MPDZ: variants seen among roughly 807,000 people sequenced by gnomAD.
MPDZ encodes multiple PDZ domain crumbs cell polarity complex component.
Under a neutral mutation model 239.1 loss-of-function variants are expected in MPDZ, and 234 were observed. The observed-to-expected ratio is 0.98, with a 90% CI of 0.88 to 1.09. The LOEUF (loss-of-function observed/expected upper bound fraction) is 1.09. MPDZ is among the 50% of genes least tolerant of loss of function. The pLI, the probability that MPDZ is intolerant of heterozygous loss-of-function variation, is 0.00. For synonymous variants in MPDZ, 1,048 were observed against 881.3 expected (o/e 1.19, Z -3.35); for missense variants, 3,175 against 2,510.0 (o/e 1.26, Z -5.66).
rs150252589 is a variant in MPDZ, at chr9:13,251,128, CAAAAAAAA to C, written c.-57-764_-57-757del. Among the ~76,000 whole-genome samples the C allele has an allele frequency of 1.1e-4, 4 of 36,460 alleles. No homozygotes were observed. In the Admixed American group the frequency reaches 1.1e-3, roughly 10 times the overall value. The allele number at this position is 36,460 out of a possible 152,430, so 23.9% of individuals were successfully genotyped here. On this transcript the variant is annotated intron_variant, in intron 1 of 46. Transcript: ENST00000319217. ...TGGGCCACAGAACAAGACTCCATCTCAAAAAAAAAAAAAAAAAAAAAAAGGAAAAGAAA... is the reference window on the plus strand; with the variant it reads ...TGGGCCACAGAACAAGACTCCATCTCAAAAAAAAAAAAAAAGGAAAAGAAA...
In MPDZ at chr9:13,224,451, T is replaced by C; in HGVS notation, c.316A>G (p.Thr106Ala). ...TTAATGTGTGGAATACCAGGTCCTGTAAGTGCTTCCAGATTCCCATTGTTT... is the reference window on the plus strand; with the variant it reads ...TTAATGTGTGGAATACCAGGTCCTGCAAGTGCTTCCAGATTCCCATTGTTT... ...SPNNGNLEAL[T>A]GPGIPHINGK... The change falls in exon 4 of 47, where the codon ACA (threonine) becomes GCA (alanine). Residue 106 changes from threonine to alanine, a missense_variant. Thr to Ala is a moderately conservative substitution (Grantham distance 58). Transcript: ENST00000319217. 2 of 1,612,980 alleles carry C rather than the reference T, an allele frequency of 1.2e-6. No homozygotes were observed. Among genetic ancestry groups the C allele is most frequent in the South Asian group, 1.1e-5 (1 of 91,056 alleles).
At chr9:13,230,656 T>C (rs188093933) in intron 3 of MPDZ, among the ~76,000 whole-genome samples, 6 of 152,148 alleles carry the variant, frequency 3.9e-5, no homozygotes, top group African/African-American at 1.2e-4. Flanking sequence ...AAGAATAGAA[T>C]AAGGGAGATA....
At chr9:13,271,494 T>A (rs931113216) in intron 1 of MPDZ, among the ~76,000 whole-genome samples, 1 of 152,190 alleles carries the variant, frequency 6.6e-6, no homozygotes, top group African/African-American at 2.4e-5. Flanking sequence ...GTAAAGATGA[T>A]CATCTCTCCC....
chr9:13,207,111 A>G (rs1957091893), intron 10 of MPDZ, among the ~76,000 whole-genome samples: 1 of 152,198 alleles, frequency 6.6e-6, no homozygotes, highest in Admixed American at 6.5e-5. Flanking sequence ...GCACTGATGT[A>G]TCACAAGGTC....
At chr9:13,236,267 ATTTTTTTTTTT>A (rs1158772302) in intron 3 of MPDZ, among the ~76,000 whole-genome samples, 381 of 20,104 alleles carry the variant, frequency 0.019, 62 homozygotes, top group South Asian at 0.046. Context: ...ATATATATAT[ATTTTTTTTTTT>A]TTTTTTTTTT....
chr9:13,116,762 C>T (rs191787166), intron 39 of MPDZ, among the ~76,000 whole-genome samples: 4 of 151,736 alleles, frequency 2.6e-5, no homozygotes, highest in Non-Finnish European at 5.9e-5. Context: ...TGATTTACGC[C>T]CAGTAAAAAG....
rs1380834649 is a variant in MPDZ, at chr9:13,247,676, T to A, written c.142A>T (p.Ile48Phe). The A allele has an allele frequency of 6.2e-7, 1 of 1,613,580 alleles. No homozygotes were observed. The highest frequency in any genetic ancestry group is 8.5e-7 in the Non-Finnish European group (1 of 1,179,598). Reference sequence around the variant, plus strand: ...TGTACAGAAGTCTGAAGGCTCAGAATCTGACTGAAGAGAGGGCTCTGCAGG... The same window carrying A: ...TGTACAGAAGTCTGAAGGCTCAGAAACTGACTGAAGAGAGGGCTCTGCAGG... ...SVLQSPLFSQ[I>F]LSLQTSVQQL... is the part of the protein sequence containing the mutation. Residue 48 changes from isoleucine to phenylalanine, a missense_variant, in exon 3 of 47, where the codon ATT becomes TTT. Physicochemically the swap from Ile to Phe is conservative, Grantham distance 21. Transcript: ENST00000319217.
intron 28 of MPDZ, 193 bp downstream of exon 28, chr9:13,139,794 G>A: frequency 1.5e-6 from 1 of 652,880 alleles, no homozygotes; most frequent in Non-Finnish European, 2.7e-6. Context: ...TTAAAGGAAA[G>A]GAAGAGCATG....
chr9:13,146,197 T>G (rs1948413353), intron 26 of MPDZ, among the ~76,000 whole-genome samples: 1 of 152,016 alleles, frequency 6.6e-6, no homozygotes, highest in South Asian at 2.1e-4. Flanking sequence ...GTGCTTACAT[T>G]AAAAACTACT....
chr9:13,274,283 T>C (rs1973669990), intron 1 of MPDZ, among the ~76,000 whole-genome samples: 2 of 152,016 alleles, frequency 1.3e-5, no homozygotes, highest in Non-Finnish European at 2.9e-5. Flanking sequence ...TTGATGTTAC[T>C]GGGTTTTTTT....
intron 17 of MPDZ, among the ~76,000 whole-genome samples, chr9:13,186,942 G>A (rs952238069): frequency 7.2e-5 from 11 of 152,020 alleles, no homozygotes; most frequent in East Asian, 1.9e-4. Context: ...AAAACAAAAC[G>A]AAACAAAAAC....
chr9:13,247,513 G>A (rs1027644453), intron 3 of MPDZ, 122 bp downstream of exon 3: 27 of 1,048,112 alleles, frequency 2.6e-5, no homozygotes, highest in Non-Finnish European at 3.3e-5. Context: ...TCATTTGGAG[G>A]TTTAAATGAC....
chr9:13,117,891 T>G, intron 39 of MPDZ, among the ~76,000 whole-genome samples: 1 of 148,810 alleles, frequency 6.7e-6, no homozygotes, highest in African/African-American at 2.5e-5. Context: ...ATTGCCCAGG[T>G]TGGACTGCAA....
intron 1 of MPDZ, among the ~76,000 whole-genome samples, chr9:13,262,660 G>A (rs1290609018): frequency 1.3e-5 from 2 of 150,966 alleles, no homozygotes; most frequent in African/African-American, 4.9e-5. Context: ...AAGAGGTTAG[G>A]AATGAGAAAA....
At position 13,186,251 on chromosome 9, in the gene MPDZ, A is replaced by G. The variant is rs761697486; in HGVS notation, c.2481+19T>C. Reference sequence around the variant, plus strand: ...TATCAGGTTTCTGAAAGAAAGCTTGATAAGTCATAGCCACTAACCAGAGCC... The same window carrying G: ...TATCAGGTTTCTGAAAGAAAGCTTGGTAAGTCATAGCCACTAACCAGAGCC... On this transcript the variant is annotated intron_variant, in intron 18 of 46. Coordinates refer to ENST00000319217, the MANE Select transcript of MPDZ (RefSeq NM_001378778.1). 10 of 1,432,648 alleles carry G rather than the reference A, an allele frequency of 7.0e-6. No individual in the cohort carries two copies. In the South Asian group the frequency reaches 1.3e-4, roughly 19 times the overall value. The allele number at this position is 1,432,648 out of a possible 1,614,324, so 88.7% of individuals were successfully genotyped here.
At chr9:13,168,887 T>G (rs1464400250) in intron 21 of MPDZ, among the ~76,000 whole-genome samples, 2 of 152,140 alleles carry the variant, frequency 1.3e-5, no homozygotes, top group Non-Finnish European at 2.9e-5. Context: ...TAGTATCAAA[T>G]CAGTTTTACA....
chr9:13,226,510 C>T (rs976400015), intron 3 of MPDZ, among the ~76,000 whole-genome samples: 8 of 152,086 alleles, frequency 5.3e-5, no homozygotes, highest in African/African-American at 1.9e-4. Flanking sequence ...AAGTGCCAAG[C>T]TGTTCACTCT....
intron 43 of MPDZ, among the ~76,000 whole-genome samples, chr9:13,111,380 G>C (rs1317532996): frequency 6.6e-6 from 1 of 152,176 alleles, no homozygotes. Flanking sequence ...ACCATTCCCA[G>C]CCTAAAGACT....
At chr9:13,268,629 T>C (rs1014676221) in intron 1 of MPDZ, among the ~76,000 whole-genome samples, 1 of 152,070 alleles carries the variant, frequency 6.6e-6, no homozygotes, top group African/African-American at 2.4e-5. Context: ...TTGTAAGAGA[T>C]ATGACACATG....
Sources: gnomAD v4.1 joint callset for allele counts (sites outside exome capture counted in the v4.1 genomes callset) on GRCh38, gnomAD v4.1.1 for gene constraint, MANE v1.5 for transcripts, NCBI Gene and HGNC (gene_info 2026-07-23, HGNC 2026-07-21) for gene names.